ARHGAP20: variants seen among roughly 807,000 people sequenced by gnomAD.
The protein encoded by ARHGAP20 is rho GTPase-activating protein 20.
ARHGAP20 carries 34 observed loss-of-function variants against 73.7 expected under a neutral mutation model. The observed-to-expected ratio is 0.46, with a 90% CI of 0.35 to 0.61. The LOEUF (loss-of-function observed/expected upper bound fraction) is 0.61. Ranked by LOEUF, ARHGAP20 falls within the 20% of genes least tolerant of loss-of-function variation. The pLI, the probability that ARHGAP20 is intolerant of heterozygous loss-of-function variation, is 0.00. For missense variants in ARHGAP20, 1,314 were observed against 1,420.9 expected, an observed-to-expected ratio of 0.92 and a Z score of 1.21; for synonymous variants, 523 against 518.2, an observed-to-expected ratio of 1.01 and a Z score of -0.13.
intron 2 of ARHGAP20, among the ~76,000 whole-genome samples, chr11:110,641,618 C>T (rs1257380217): frequency 6.6e-6 from 1 of 151,942 alleles, no homozygotes; most frequent in Non-Finnish European, 1.5e-5. Flanking sequence ...TTTCTTCCCC[C>T]CCAACCCTCA....
intron 2 of ARHGAP20, among the ~76,000 whole-genome samples, chr11:110,652,885 C>T (rs567327533): frequency 3.3e-5 from 5 of 152,034 alleles, no homozygotes; most frequent in East Asian, 1.9e-4. Context: ...TAGATCAATG[C>T]GACAGAACAG....
At chr11:110,706,546 G>A (rs1950555515) in intron 1 of ARHGAP20, among the ~76,000 whole-genome samples, 1 of 152,054 alleles carries the variant, frequency 6.6e-6, no homozygotes, top group African/African-American at 2.4e-5. Context: ...GCATGTACAT[G>A]TTCTGATGTT....
intron 1 of ARHGAP20, among the ~76,000 whole-genome samples, chr11:110,695,078 A>G (rs1458435051): frequency 1.3e-5 from 2 of 151,686 alleles, no homozygotes; most frequent in African/African-American, 4.8e-5. Context: ...CATAGTAAAC[A>G]TCTGCCTGAC....
chr11:110,665,202 C>T lies in ARHGAP20; in HGVS notation c.188+25345G>A, dbSNP rs1257537779. 2.0e-5 allele frequency among the ~76,000 whole-genome samples: 3 copies of T among 151,964 alleles called. No individual in the cohort carries two copies. In the East Asian group the frequency reaches 5.8e-4, roughly 29 times the overall value. On this transcript the variant is annotated intron_variant, in intron 2 of 14. Coordinates refer to ENST00000683387, the MANE Select transcript of ARHGAP20 (RefSeq NM_001384657.1). The stretch of plus-strand genomic sequence containing the variant: ...ACATATCCAATTTTATGAAATGCAG[C>T]TAAAACAGTGTTTTAAAAAGTTGAG...
chr11:110,706,405 G>A (rs997988197), intron 1 of ARHGAP20, among the ~76,000 whole-genome samples: 9 of 152,038 alleles, frequency 5.9e-5, no homozygotes, highest in African/African-American at 2.2e-4. Context: ...ACTTAAAGAG[G>A]TTTTTAAATT....
At chr11:110,606,964 GA>G (rs983894281) in intron 8 of ARHGAP20, among the ~76,000 whole-genome samples, 2 of 151,896 alleles carry the variant, frequency 1.3e-5, no homozygotes, top group Admixed American at 6.6e-5. Context: ...AGAAAAAGAA[GA>G]AAAAAATCTT....
chr11:110,605,615 G>A (rs1219632027), intron 9 of ARHGAP20, among the ~76,000 whole-genome samples: 1 of 152,192 alleles, frequency 6.6e-6, no homozygotes, highest in East Asian at 1.9e-4. Flanking sequence ...GTTCTGCAAT[G>A]AAGATAAAAA....
intron 2 of ARHGAP20, among the ~76,000 whole-genome samples, chr11:110,635,827 G>A (rs1259561694): frequency 6.6e-6 from 1 of 152,030 alleles, no homozygotes; most frequent in Non-Finnish European, 1.5e-5. Context: ...TTCTGGGGGA[G>A]TTGAAGAAGG....
At chr11:110,630,585 G>T (rs768618391) in intron 3 of ARHGAP20, 43 bp downstream of exon 3, 3 of 1,568,682 alleles carry the variant, frequency 1.9e-6, no homozygotes, top group Non-Finnish European at 2.6e-6. Flanking sequence ...GTTAGTAAAA[G>T]TGCAATTTTA....
At chr11:110,644,967 ATT>A (rs1425495032) in intron 2 of ARHGAP20, among the ~76,000 whole-genome samples, 1 of 151,434 alleles carries the variant, frequency 6.6e-6, no homozygotes, top group Non-Finnish European at 1.5e-5. Flanking sequence ...CCCATTAAAA[ATT>A]TTGTGAGCAA....
At chr11:110,628,187 C>A (rs964317497) in intron 3 of ARHGAP20, among the ~76,000 whole-genome samples, 1 of 152,122 alleles carries the variant, frequency 6.6e-6, no homozygotes, top group African/African-American at 2.4e-5. Flanking sequence ...CTAAAAGAAG[C>A]CTGAAGATGA....
intron 4 of ARHGAP20, among the ~76,000 whole-genome samples, chr11:110,618,783 C>G (rs546140508): frequency 3.2e-4 from 17 of 52,998 alleles, no homozygotes; most frequent in African/African-American, 1.4e-3. Flanking sequence ...AGAGTGTATG[C>G]AGTGATAGAG....
Position 110,580,127 on chromosome 11 carries a change from G to A in ARHGAP20, c.2819C>T (p.Ser940Phe), listed in dbSNP as rs1238569491. ...TGAGCCGGATGGGGAAGTGCCTGGG[G>A]AGGATAAGCTGGAATAGCTGGTCCT... Reference protein sequence around the residue: ...CPRTSYSSLSSPGTSPSGSSV... With the variant: ...CPRTSYSSLSFPGTSPSGSSV... The change falls in exon 15 of 15, where the codon TCC becomes TTC. Residue 940 changes from serine (S) to phenylalanine (F), a missense_variant. Ser to Phe is a radical substitution (Grantham distance 155). Coordinates refer to ENST00000683387, the MANE Select transcript of ARHGAP20 (RefSeq NM_001384657.1). The A allele has an allele frequency of 1.2e-6, 2 of 1,614,078 alleles. No individual in the cohort carries two copies. The highest frequency in any genetic ancestry group is 1.7e-6 in the Non-Finnish European group (2 of 1,180,038).
chr11:110,594,519 C>G (rs1369146422), intron 9 of ARHGAP20, among the ~76,000 whole-genome samples: 1 of 152,160 alleles, frequency 6.6e-6, no homozygotes, highest in African/African-American at 2.4e-5. Context: ...ACCTACTCTC[C>G]ATGTGGTTTC....
In ARHGAP20 at chr11:110,577,141, TAGC is replaced by T. The variant is rs1453819403; in HGVS notation, c.*2226_*2228del. 5.0e-5 allele frequency: 77 copies of T among 1,534,728 alleles called. No individual in the cohort carries two copies. Among genetic ancestry groups the T allele is most frequent in the Non-Finnish European group, 5.9e-5 (68 of 1,146,338 alleles). On this transcript the variant is annotated 3_prime_UTR_variant, in exon 15 of 15. Coordinates refer to ENST00000683387, the MANE Select transcript of ARHGAP20 (RefSeq NM_001384657.1). ...TTGAAAACCAAACAACTTTAAAAGTTAGCAGCAGTTTCTGCAAGTACAAAAATA... is the reference window on the plus strand; with the variant it reads ...TTGAAAACCAAACAACTTTAAAAGTTAGCAGTTTCTGCAAGTACAAAAATA...
chr11:110,711,870 A>AGGGAGGCT lies in ARHGAP20; in HGVS notation c.105+249_105+256dup. 3 of 1,314,524 alleles carry AGGGAGGCT rather than the reference A, an allele frequency of 2.3e-6. No individual in the cohort carries two copies. The South Asian group carries it at 6.7e-5, about 29-fold the overall frequency. The allele number at this position is 1,314,524 out of a possible 1,614,324, so 81.4% of individuals were successfully genotyped here. On this transcript the variant is annotated intron_variant, in intron 1 of 14. Transcript: ENST00000683387. ...AGAACCGGCGGCGGATGGAGACGGG[A>AGGGAGGCT]GGGAGGCTGCGAGGTCGCTCGAGGA...
At chr11:110,670,116 G>T (rs1031479615) in intron 2 of ARHGAP20, among the ~76,000 whole-genome samples, 1 of 151,994 alleles carries the variant, frequency 6.6e-6, no homozygotes, top group Non-Finnish European at 1.5e-5. Flanking sequence ...ACCTTTGGAG[G>T]TTATGAAAAT....
chr11:110,577,657 A>AGTT lies in ARHGAP20; in HGVS notation c.*1710_*1712dup. 1.0e-6 allele frequency: 1 copy of AGTT among 985,886 alleles called. No individual in the cohort carries two copies. The highest frequency in any genetic ancestry group is 1.2e-6 in the Non-Finnish European group (1 of 829,916). The allele number at this position is 985,886 out of a possible 1,614,324, so 61.1% of individuals were successfully genotyped here. On this transcript the variant is annotated 3_prime_UTR_variant, in exon 15 of 15. Coordinates refer to ENST00000683387, the MANE Select transcript of ARHGAP20 (RefSeq NM_001384657.1). ...GAAGTCTTAATATGTAGGACTGGTT[A>AGTT]GTTATAAAGTGAAATCGACTTCACA...
intron 3 of ARHGAP20, among the ~76,000 whole-genome samples, chr11:110,626,582 A>C (rs1461956101): frequency 2.6e-5 from 4 of 152,226 alleles, no homozygotes; most frequent in Non-Finnish European, 4.4e-5. Context: ...GCTAGAATTT[A>C]AACTTGGACA....
Sources: gnomAD v4.1 joint callset for allele counts (sites outside exome capture counted in the v4.1 genomes callset) on GRCh38, gnomAD v4.1.1 for gene constraint, MANE v1.5 for transcripts, NCBI Gene and HGNC (gene_info 2026-07-23, HGNC 2026-07-21) for gene names.